Variants in CRIM1 observed in about 807,000 individuals in gnomAD.
CRIM1 encodes cysteine rich transmembrane BMP regulator 1, also known as cysteine-rich motor neuron 1 protein.
A neutral mutation model predicts 116.4 loss-of-function variants in CRIM1; 32 were observed. That is an observed-to-expected ratio of 0.27 (90% CI 0.21 to 0.37). CRIM1 has a LOEUF of 0.37. CRIM1 is among the 10% of genes least tolerant of loss of function. The pLI, the probability that CRIM1 is intolerant of heterozygous loss-of-function variation, is 1.00. For missense variants in CRIM1, 1,331 were observed against 1,354.8 expected (o/e 0.98, Z 0.28); for synonymous variants, 590 against 509.2 (o/e 1.16, Z -2.13).
At chr2:36,438,719 C>G (rs1675540115) in intron 2 of CRIM1, among the ~76,000 whole-genome samples, 1 of 152,112 alleles carries the variant, frequency 6.6e-6, no homozygotes, top group African/African-American at 2.4e-5. Flanking sequence ...AACCACATTT[C>G]TGAAAGGGAA....
intron 13 of CRIM1, among the ~76,000 whole-genome samples, chr2:36,528,862 AGTTT>A (rs1415709259): frequency 5.9e-5 from 9 of 152,152 alleles, no homozygotes; most frequent in African/African-American, 2.2e-4. Context: ...GTTTGATTTC[AGTTT>A]GTTTGGGTCT....
chr2:36,525,447 G>C (rs1474666646), intron 13 of CRIM1, among the ~76,000 whole-genome samples: 3 of 152,198 alleles, frequency 2.0e-5, no homozygotes, highest in Non-Finnish European at 4.4e-5. Flanking sequence ...CCCAAAGGCA[G>C]TTGCCAGCTG....
chr2:36,473,212 A>G (rs1487907262), intron 5 of CRIM1, among the ~76,000 whole-genome samples: 1 of 152,206 alleles, frequency 6.6e-6, no homozygotes, highest in African/African-American at 2.4e-5. Context: ...AGTATTTTAG[A>G]CATGCAAGGG....
intron 2 of CRIM1, among the ~76,000 whole-genome samples, chr2:36,423,044 G>C (rs1321692329): frequency 6.6e-6 from 1 of 152,168 alleles, no homozygotes; most frequent in Admixed American, 6.5e-5. Flanking sequence ...AGGTAAGAAA[G>C]GAATTACTTC....
chr2:36,547,682 G>A (rs1304946107), intron 16 of CRIM1, among the ~76,000 whole-genome samples: 4 of 152,122 alleles, frequency 2.6e-5, no homozygotes, highest in Non-Finnish European at 5.9e-5. Flanking sequence ...AGATGAAGAG[G>A]TGGTGGAAAG....
At chr2:36,427,062 GT>G (rs1401538144) in intron 2 of CRIM1, among the ~76,000 whole-genome samples, 5 of 152,046 alleles carry the variant, frequency 3.3e-5, no homozygotes. Flanking sequence ...TTAGCCGGGT[GT>G]AGTGGTGTGC....
intron 2 of CRIM1, among the ~76,000 whole-genome samples, chr2:36,411,049 A>G (rs1673164982): frequency 6.6e-6 from 1 of 152,120 alleles, no homozygotes; most frequent in Non-Finnish European, 1.5e-5. Flanking sequence ...GCCTAAATAA[A>G]TATCTTGCAT....
chr2:36,439,673 C>G (rs559172776), intron 2 of CRIM1, among the ~76,000 whole-genome samples: 16 of 152,276 alleles, frequency 1.1e-4, no homozygotes, highest in African/African-American at 3.1e-4. Flanking sequence ...TCCTTCAAGT[C>G]TTTGTTCAGC....
At chr2:36,430,324 C>T (rs1674786297) in intron 2 of CRIM1, among the ~76,000 whole-genome samples, 1 of 152,066 alleles carries the variant, frequency 6.6e-6, no homozygotes, top group Admixed American at 6.6e-5. Flanking sequence ...TAAGGGCTAC[C>T]AAGAATATAA....
At chr2:36,461,665 G>A (rs748969349) in intron 4 of CRIM1, among the ~76,000 whole-genome samples, 12 of 152,058 alleles carry the variant, frequency 7.9e-5, no homozygotes, top group Non-Finnish European at 1.2e-4. Context: ...AAACTACATG[G>A]GACTCATATC....
intron 8 of CRIM1, 98 bp downstream of exon 8, chr2:36,499,445 A>G (rs998842475): frequency 1.5e-6 from 2 of 1,294,192 alleles, no homozygotes; most frequent in Non-Finnish European, 2.1e-6. Flanking sequence ...CTGTTCAGAC[A>G]TTCCCTTGAC....
chr2:36,523,538 T>A (rs1290661537), intron 13 of CRIM1, among the ~76,000 whole-genome samples: 1 of 152,234 alleles, frequency 6.6e-6, no homozygotes, highest in Admixed American at 6.5e-5. Flanking sequence ...CCGTGTTCCC[T>A]GGGCTTTCAC....
At chr2:36,425,019 GA>G in intron 2 of CRIM1, among the ~76,000 whole-genome samples, 1 of 152,298 alleles carries the variant, frequency 6.6e-6, no homozygotes, top group Admixed American at 6.5e-5. Flanking sequence ...CCATTGAGAT[GA>G]AAATAATTGT....
At chr2:36,537,235 C>T in intron 13 of CRIM1, 117 bp from the exon 14 acceptor site, 1 of 951,124 alleles carries the variant, frequency 1.1e-6, no homozygotes, top group Admixed American at 2.4e-5. Flanking sequence ...TCACCAAGTT[C>T]CAGAAGTCCT....
intron 7 of CRIM1, among the ~76,000 whole-genome samples, chr2:36,483,560 G>C (rs1461469192): frequency 3.3e-5 from 5 of 152,184 alleles, no homozygotes; most frequent in African/African-American, 4.8e-5. Flanking sequence ...TGACAGCACA[G>C]TGTGTCCCCA....
At position 36,510,003 on chromosome 2, in the gene CRIM1, C is replaced by T. The variant is rs746819860; in HGVS notation, c.1522C>T (p.Arg508Cys). ...CINTEELCSE[R>C]KQGCTLNCPF... ...CACAGCCGAGGAACTATGTTCAGAA[C>T]GTAAACAAGGCTGCACCTTGAACTG... Residue 508 changes from arginine to cysteine, a missense_variant, in exon 9 of 17, where the codon CGT (arginine) becomes TGT (cysteine). Physicochemically the swap from Arg to Cys is radical, Grantham distance 180. Coordinates refer to ENST00000280527, the MANE Select transcript of CRIM1 (RefSeq NM_016441.3). 2.9e-5 allele frequency: 47 copies of T among 1,613,842 alleles called. No homozygotes were observed. Among genetic ancestry groups the T allele is most frequent in the Middle Eastern group, 1.6e-4 (1 of 6,084 alleles).
intron 5 of CRIM1, among the ~76,000 whole-genome samples, chr2:36,465,957 C>T (rs974628368): frequency 6.6e-6 from 1 of 151,628 alleles, no homozygotes; most frequent in African/African-American, 2.4e-5. Context: ...GCAATCTCGG[C>T]TCACTGCAAG....
chr2:36,540,204 C>T (rs1018196051), intron 14 of CRIM1, among the ~76,000 whole-genome samples: 11 of 152,172 alleles, frequency 7.2e-5, no homozygotes, highest in African/African-American at 2.7e-4. Context: ...TGGGAACAGA[C>T]TTGTGCACTT....
At chr2:36,396,937 A>G in intron 2 of CRIM1, 150 bp downstream of exon 2, 3 of 667,114 alleles carry the variant, frequency 4.5e-6, no homozygotes, top group Non-Finnish European at 7.3e-6. Flanking sequence ...AAAGTTTACC[A>G]GGTGCTTATG....
Sources: allele counts gnomAD v4.1 joint callset (sites outside exome capture counted in the v4.1 genomes callset), GRCh38; gene constraint gnomAD v4.1.1; transcripts MANE v1.5; gene names NCBI Gene and HGNC (gene_info 2026-07-23, HGNC 2026-07-21).